The following MCM3AP variants were observed in gnomAD, a reference collection of about 807,000 sequenced individuals.
MCM3AP encodes the protein minichromosome maintenance complex component 3 associated protein.
Under a neutral mutation model 184.1 loss-of-function variants are expected in MCM3AP, and 126 were observed. The ratio of observed to expected loss-of-function variants is 0.68; its 90% confidence interval spans 0.59 to 0.79. The LOEUF (loss-of-function observed/expected upper bound fraction) is 0.79. Among genes scored for constraint, MCM3AP ranks in the 30% least tolerant of loss-of-function variants. The pLI, the probability that MCM3AP is intolerant of heterozygous loss-of-function variation, is 0.00. For synonymous variants in MCM3AP, 1,002 were observed against 979.3 expected, an observed-to-expected ratio of 1.02 and a Z score of -0.43; for missense variants, 2,496 against 2,479.2, an observed-to-expected ratio of 1.01 and a Z score of -0.14.
intron 27 of MCM3AP, 48 bp from the exon 28 acceptor site, chr21:46,235,474 C>G (rs759568433): frequency 2.7e-5 from 40 of 1,508,370 alleles, no homozygotes; most frequent in Non-Finnish European, 3.7e-5. Context: ...GTCAATAAAC[C>G]ACGACCTATC....
In MCM3AP at chr21:46,285,161, G is replaced by T; in HGVS notation, c.126C>A (p.Asn42Lys). The stretch of plus-strand genomic sequence containing the variant: ...CCGAGCTCTTCCCAGATAAGGTACT[G>T]TTTTGTCCAAAAAGAGAAGGTTGAC... ...RFGQPSLFGQ[N>K]STLSGKSSGF... Residue 42 changes from asparagine to lysine, a missense_variant, in exon 1 of 28, where the codon AAC (asparagine) becomes AAA (lysine). Physicochemically the swap from Asn to Lys is moderately conservative, Grantham distance 94. Coordinates refer to ENST00000291688, the MANE Select transcript of MCM3AP (RefSeq NM_003906.5). 7 of 1,614,142 alleles carry T rather than the reference G, an allele frequency of 4.3e-6. No individual in the cohort carries two copies. Among genetic ancestry groups the T allele is most frequent in the Non-Finnish European group, 5.1e-6 (6 of 1,180,008 alleles).
At chr21:46,278,488 CGGA>C (rs1472260828) in intron 4 of MCM3AP, among the ~76,000 whole-genome samples, 1 of 152,116 alleles carries the variant, frequency 6.6e-6, no homozygotes, top group Admixed American at 6.6e-5. Flanking sequence ...TGGATTCAGC[CGGA>C]GATCTGTCAA....
chr21:46,275,547 CCT>C (rs1190662021), intron 5 of MCM3AP, among the ~76,000 whole-genome samples: 2 of 152,120 alleles, frequency 1.3e-5, no homozygotes, highest in African/African-American at 2.4e-5. Context: ...CCCGAGTCCA[CCT>C]CTCTCTAACA....
intron 16 of MCM3AP, 39 bp downstream of exon 16, chr21:46,258,900 C>G (rs368612049): frequency 1.2e-6 from 2 of 1,610,000 alleles, no homozygotes; most frequent in South Asian, 1.1e-5. Context: ...GACTCTTCCC[C>G]GTGTGTGTGG....
rs1350674421 is a variant in MCM3AP at position 46,240,954 on chromosome 21, G to A, written c.5490C>T (p.His1830=). The change falls in exon 26 of 28, where the codon CAC becomes CAT. Residue 1830 remains histidine, a synonymous_variant. Coordinates refer to ENST00000291688, the MANE Select transcript of MCM3AP (RefSeq NM_003906.5). Reference sequence around the variant, plus strand: ...ACTCTGTGCTCCTCTTCCAGTTACGGTGCATGTGAAGCAATGGTATGGGAA... The same window carrying A: ...ACTCTGTGCTCCTCTTCCAGTTACGATGCATGTGAAGCAATGGTATGGGAA... The part of the protein sequence containing the change: ...NNFPIPLLHM[H]RNWKRSTECA... The A allele has an allele frequency of 6.2e-7, 1 of 1,614,162 alleles. No individual in the cohort carries two copies. The highest frequency in any genetic ancestry group is 1.7e-5 in the Admixed American group (1 of 60,026).
Position 46,266,948 on chromosome 21 carries a change from A to T in MCM3AP, c.2789+34T>A, listed in dbSNP as rs374017827. Reference sequence around the variant, plus strand: ...ATCAGAATTAACAAGAAAAAAGGAGACAGGGGCCCCACAGTTCCATTCTCA... The same window carrying T: ...ATCAGAATTAACAAGAAAAAAGGAGTCAGGGGCCCCACAGTTCCATTCTCA... On this transcript the variant is annotated intron_variant, in intron 10 of 27. Coordinates refer to ENST00000291688, the MANE Select transcript of MCM3AP (RefSeq NM_003906.5). 2.9e-5 allele frequency: 46 copies of T among 1,609,982 alleles called. No homozygotes were observed. The African/African-American group carries it at 5.5e-4, about 19-fold the overall frequency.
In MCM3AP at chr21:46,267,157, G is replaced by GT; in HGVS notation, c.2629-16_2629-15insA. 1 of 1,611,044 alleles carries GT rather than the reference G, an allele frequency of 6.2e-7. No homozygotes were observed. The highest frequency in any genetic ancestry group is 8.5e-7 in the Non-Finnish European group (1 of 1,178,732). On this transcript the variant is annotated splice_polypyrimidine_tract_variant and intron_variant, in intron 9 of 27. Transcript: ENST00000291688. Reference sequence around the variant, plus strand: ...TCCTTGCGGATCTGAGAGGAGGAGCGAAATCACTGCAGTCTCAGACGAAGG... The same window carrying GT: ...TCCTTGCGGATCTGAGAGGAGGAGCGTAAATCACTGCAGTCTCAGACGAAGG...
chr21:46,279,549 T>G (rs111946592), intron 4 of MCM3AP, among the ~76,000 whole-genome samples: 105 of 152,374 alleles, frequency 6.9e-4, no homozygotes, highest in African/African-American at 2.2e-3. Flanking sequence ...CAGCCTCCCC[T>G]GGATCTCCTG....
intron 20 of MCM3AP, 145 bp downstream of exon 20, chr21:46,251,384 G>T: frequency 1.7e-6 from 1 of 605,976 alleles, no homozygotes; most frequent in Non-Finnish European, 2.7e-6. Context: ...GACATGTACG[G>T]ACAGACATAA....
chr21:46,256,760 T>C, intron 17 of MCM3AP, 29 bp downstream of exon 17: 1 of 1,535,778 alleles, frequency 6.5e-7, no homozygotes, highest in South Asian at 1.2e-5. Context: ...AGGGGAGCCC[T>C]GACGAGGCAG....
chr21:46,283,849 A>C lies in MCM3AP; in HGVS notation c.1220-11T>G. 1 of 1,605,798 alleles carries C rather than the reference A, an allele frequency of 6.2e-7. No individual in the cohort carries two copies. The highest frequency in any genetic ancestry group is 8.5e-7 in the Non-Finnish European group (1 of 1,173,988). ...TTCCTCTTAGAGAATCTAGGGGTTC[A>C]GAGAATGGACACTTAAACCATCAGA... On this transcript the variant is annotated splice_polypyrimidine_tract_variant and intron_variant, in intron 1 of 27. Coordinates refer to ENST00000291688, the MANE Select transcript of MCM3AP (RefSeq NM_003906.5).
intron 19 of MCM3AP, 196 bp from the exon 20 acceptor site, chr21:46,251,878 G>GTTCT: frequency 5.4e-6 from 1 of 185,958 alleles, no homozygotes; most frequent in Non-Finnish European, 9.9e-6. Context: ...ATCTGTACTC[G>GTTCT]TTCTTTTTTT....
chr21:46,239,132 G>A (rs940924362), intron 26 of MCM3AP, among the ~76,000 whole-genome samples: 1 of 152,226 alleles, frequency 6.6e-6, no homozygotes, highest in African/African-American at 2.4e-5. Flanking sequence ...AGGCCCAACT[G>A]TGAACTGCCT....
At chr21:46,254,554 G>A in intron 18 of MCM3AP, 28 bp from the exon 19 acceptor site, 1 of 1,613,446 alleles carries the variant, frequency 6.2e-7, no homozygotes, top group South Asian at 1.1e-5. Flanking sequence ...CCGTGGATTA[G>A]CCAGTGTGTG....
intron 4 of MCM3AP, among the ~76,000 whole-genome samples, chr21:46,278,803 A>C (rs1017436012): frequency 6.6e-6 from 1 of 151,798 alleles, no homozygotes; most frequent in African/African-American, 2.4e-5. Flanking sequence ...CCTCACAAGT[A>C]GCTGGGACTA....
In MCM3AP at chr21:46,235,236, G is replaced by A. The variant is rs777457938; in HGVS notation, c.*32C>T. On this transcript the variant is annotated 3_prime_UTR_variant, in exon 28 of 28. Coordinates refer to ENST00000291688, the MANE Select transcript of MCM3AP (RefSeq NM_003906.5). ...TTTTGAGTAAAAACAGAAACTCTTC[G>A]GGAGAGACCCCCTCCCCACAGGTCA... 20 of 1,608,984 alleles carry A rather than the reference G, an allele frequency of 1.2e-5. No individual in the cohort carries two copies. The highest frequency in any genetic ancestry group is 6.7e-5 in the African/African-American group (5 of 74,762).
intron 21 of MCM3AP, 110 bp from the exon 22 acceptor site, chr21:46,246,514 G>T: frequency 6.9e-7 from 1 of 1,446,088 alleles, no homozygotes; most frequent in South Asian, 1.1e-5. Context: ...GTCACCACAG[G>T]GGTTGCTGTC....
chr21:46,251,836 A>G, intron 19 of MCM3AP, 154 bp from the exon 20 acceptor site: 1 of 511,216 alleles, frequency 2.0e-6, no homozygotes, highest in Non-Finnish European at 3.5e-6. Context: ...TGATCTGCAC[A>G]AAACAGGCTG....
Position 46,242,868 on chromosome 21 carries a change from T to C in MCM3AP, c.5360A>G (p.Asp1787Gly). ...YFFKNDLKKY[D>G]VPLSWEQARL... ...GGCTTGTTCCCACGACAAAGGAACA[T>C]CATATTTTTTCAAATCGTTTTTAAA... The change falls in exon 25 of 28, where the codon GAT (aspartate) becomes GGT (glycine). Residue 1787 changes from aspartate (D) to glycine (G), a missense_variant. Asp to Gly is a moderately conservative substitution (Grantham distance 94). Transcript: ENST00000291688. 1 of 1,613,336 alleles carries C rather than the reference T, an allele frequency of 6.2e-7. No individual in the cohort carries two copies. The highest frequency in any genetic ancestry group is 8.5e-7 in the Non-Finnish European group (1 of 1,179,510).
Sources: allele counts gnomAD v4.1 joint callset (sites outside exome capture counted in the v4.1 genomes callset), GRCh38; gene constraint gnomAD v4.1.1; transcripts MANE v1.5; gene names NCBI Gene and HGNC (gene_info 2026-07-23, HGNC 2026-07-21).